The following ABCC9 variants were observed in gnomAD, a reference collection of about 807,000 sequenced individuals.
ABCC9 encodes the protein ATP binding cassette subfamily C member 9, also known as ATP-binding cassette sub-family C member 9.
A neutral mutation model predicts 188.3 loss-of-function variants in ABCC9; 95 were observed. That is an observed-to-expected ratio of 0.50 (90% confidence interval 0.43 to 0.60). ABCC9 has a LOEUF of 0.60. Ranked by LOEUF, ABCC9 falls within the 20% of genes least tolerant of loss-of-function variation. The pLI is 0.00. For synonymous variants in ABCC9, 659 were observed against 652.7 expected, an observed-to-expected ratio of 1.01 and a Z score of -0.15; for missense variants, 1,102 against 1,876.3, an observed-to-expected ratio of 0.59 and a Z score of 7.62.
intron 18 of ABCC9, among the ~76,000 whole-genome samples, chr12:21,871,980 CAT>C (rs1480379372): frequency 6.6e-6 from 1 of 152,176 alleles, no homozygotes; most frequent in Admixed American, 6.5e-5. Flanking sequence ...AATTATGTAA[CAT>C]ATTTCTGAAT....
chr12:21,844,668 G>A, intron 27 of ABCC9, 99 bp downstream of exon 27: 1 of 1,572,262 alleles, frequency 6.4e-7, no homozygotes, highest in South Asian at 1.1e-5. Flanking sequence ...TTTGCTCAAG[G>A]ACTAAAGAAA....
chr12:21,827,377 C>T (rs1414497948), intron 31 of ABCC9: 3 of 904,976 alleles, frequency 3.3e-6, no homozygotes, highest in Non-Finnish European at 4.0e-6. Context: ...TATGCTTGCC[C>T]CTAAAAGACA....
intron 30 of ABCC9, 80 bp from the exon 31 acceptor site, chr12:21,829,140 T>G: frequency 4.7e-6 from 4 of 857,370 alleles, no homozygotes; most frequent in Non-Finnish European, 7.7e-6. Context: ...CTACACTATT[T>G]ACTCAACACA....
At position 21,910,148 on chromosome 12, in the gene ABCC9, T is replaced by C. The variant is rs2137868165; in HGVS notation, c.1320+9A>G. On this transcript the variant is annotated intron_variant, in intron 10 of 39. Transcript: ENST00000261200. The stretch of plus-strand genomic sequence containing the variant: ...CAGACAAAAATCTTACTTATATTTA[T>C]CTACCTACCTGAACAGGCATAGCCC... The C allele has an allele frequency of 6.2e-7, 1 of 1,606,680 alleles. No individual in the cohort carries two copies. Among genetic ancestry groups the C allele is most frequent in the Non-Finnish European group, 8.5e-7 (1 of 1,174,100 alleles).
chr12:21,866,533 C>T (rs1945791984), intron 18 of ABCC9, among the ~76,000 whole-genome samples: 1 of 152,126 alleles, frequency 6.6e-6, no homozygotes, highest in African/African-American at 2.4e-5. Context: ...CCCTGCTAAA[C>T]AGTAAGCTTC....
At position 21,933,929 on chromosome 12, in the gene ABCC9, A is replaced by G. The variant is rs758760088; in HGVS notation, c.143-6T>C. 16 of 1,613,316 alleles carry G rather than the reference A, an allele frequency of 9.9e-6. No homozygotes were observed. The highest frequency in any genetic ancestry group is 1.3e-5 in the African/African-American group (1 of 74,890). On this transcript the variant is annotated splice_polypyrimidine_tract_variant and splice_region_variant and intron_variant, in intron 3 of 39. Transcript: ENST00000261200. Reference sequence around the variant, plus strand: ...TGAGCTTTGGCTCCCCCACCCTGGAAAAGAGAGAAAAGTTAAAAACAAAAA... The same window carrying G: ...TGAGCTTTGGCTCCCCCACCCTGGAGAAGAGAGAAAAGTTAAAAACAAAAA...
chr12:21,930,548 G>A (rs764584883), intron 4 of ABCC9, among the ~76,000 whole-genome samples: 8 of 152,148 alleles, frequency 5.3e-5, no homozygotes, highest in Non-Finnish European at 1.0e-4. Context: ...TCCTCTCAGC[G>A]TAGATAATGT....
intron 31 of ABCC9, chr12:21,828,384 A>G (rs1565709191): frequency 6.1e-6 from 1 of 164,202 alleles, no homozygotes; most frequent in East Asian, 1.7e-4. Context: ...TTTTAATCCA[A>G]TGCCCATACA....
At chr12:21,884,556 T>A (rs1212092680) in intron 15 of ABCC9, among the ~76,000 whole-genome samples, 1 of 152,218 alleles carries the variant, frequency 6.6e-6, no homozygotes, top group Non-Finnish European at 1.5e-5. Flanking sequence ...TGGGTTTTAC[T>A]ATGGGAATTA....
intron 4 of ABCC9, among the ~76,000 whole-genome samples, chr12:21,931,727 A>T (rs1314182102): frequency 1.3e-5 from 2 of 152,166 alleles, no homozygotes; most frequent in Non-Finnish European, 2.9e-5. Flanking sequence ...ATATAAACAG[A>T]TACAGTAGCC....
intron 15 of ABCC9, among the ~76,000 whole-genome samples, chr12:21,885,583 C>T (rs1233095969): frequency 2.6e-5 from 4 of 152,142 alleles, no homozygotes; most frequent in Non-Finnish European, 5.9e-5. Context: ...AGTGACGAGA[C>T]TGGTTCTAAT....
chr12:21,804,313 C>A (rs1000745617), intron 39 of ABCC9, among the ~76,000 whole-genome samples: 3 of 152,164 alleles, frequency 2.0e-5, no homozygotes, highest in Non-Finnish European at 2.9e-5. Context: ...CTTCCAGATA[C>A]AGACTAAATA....
chr12:21,903,162 A>G (rs1446923586), intron 12 of ABCC9, among the ~76,000 whole-genome samples: 2 of 152,096 alleles, frequency 1.3e-5, no homozygotes, highest in African/African-American at 2.4e-5. Flanking sequence ...GCATATAAAC[A>G]GAACCAAAGA....
intron 37 of ABCC9, 27 bp downstream of exon 37, chr12:21,809,825 A>C (rs1448182795): frequency 1.5e-6 from 2 of 1,377,882 alleles, no homozygotes; most frequent in Middle Eastern, 1.8e-4. Flanking sequence ...ATATATAAAA[A>C]ATAAATATGC....
chr12:21,913,246 C>T lies in ABCC9; in HGVS notation c.817-180G>A, dbSNP rs1517276. Among the ~76,000 whole-genome samples, 89,130 of 151,852 alleles carry T rather than the reference C, an allele frequency of 0.59. 26,413 individuals carry two copies. Among genetic ancestry groups the T allele is most frequent in the East Asian group, 0.8 (4,125 of 5,182 alleles). The stretch of plus-strand genomic sequence containing the variant: ...CATAATTCTGTATCCTTGCCTTCTA[C>T]GAAAATAGTAGCTACTGAATGCATT... On this transcript the variant is annotated intron_variant, in intron 7 of 39. Transcript: ENST00000261200.
rs759094688 is a variant in ABCC9 at position 21,845,873 on chromosome 12, C to T, written c.2867-41G>A. On this transcript the variant is annotated intron_variant, in intron 25 of 39. Transcript: ENST00000261200. ...TTTTGTTTAAGCTTCAGATGGGCAC[C>T]GGCTAGATATAATTTTTATTGCTCC... 206 of 1,400,536 alleles carry T rather than the reference C, an allele frequency of 1.5e-4. 1 individual carries two copies. The highest frequency in any genetic ancestry group is 1.7e-4 in the Admixed American group (10 of 58,034). The allele number at this position is 1,400,536 out of a possible 1,614,324, so 86.8% of individuals were successfully genotyped here.
At chr12:21,902,701 A>G (rs1398513575) in intron 12 of ABCC9, among the ~76,000 whole-genome samples, 2 of 152,218 alleles carry the variant, frequency 1.3e-5, no homozygotes, top group African/African-American at 4.8e-5. Flanking sequence ...GAAGAAATGG[A>G]TAAATTCCTG....
At chr12:21,862,592 TTC>T (rs1945575881) in intron 20 of ABCC9, among the ~76,000 whole-genome samples, 2 of 150,016 alleles carry the variant, frequency 1.3e-5, no homozygotes, top group Non-Finnish European at 3.0e-5. Context: ...TCTTCTTCTT[TTC>T]ACAATTAAAC....
At chr12:21,897,613 T>C (rs1188263188) in intron 12 of ABCC9, among the ~76,000 whole-genome samples, 1 of 152,180 alleles carries the variant, frequency 6.6e-6, no homozygotes, top group Non-Finnish European at 1.5e-5. Context: ...ATAAGTAATT[T>C]TCTCAAGGCC....
Sources: gnomAD v4.1 joint callset for allele counts (sites outside exome capture counted in the v4.1 genomes callset) on GRCh38, gnomAD v4.1.1 for gene constraint, MANE v1.5 for transcripts, NCBI Gene and HGNC (gene_info 2026-07-23, HGNC 2026-07-21) for gene names.